ZYG11A: variants seen among roughly 807,000 people sequenced by gnomAD.
ZYG11A encodes the protein zyg-11 family member A, cell cycle regulator.
ZYG11A carries 62 observed loss-of-function variants against 77.2 expected under a neutral mutation model. The observed-to-expected ratio is 0.80, with a 90% CI of 0.65 to 0.99. The LOEUF is 0.99. ZYG11A is among the 50% of genes least tolerant of loss of function. The pLI is 0.00. For missense variants in ZYG11A, 828 were observed against 896.8 expected, an observed-to-expected ratio of 0.92 and a Z score of 0.98; for synonymous variants, 315 against 324.6, an observed-to-expected ratio of 0.97 and a Z score of 0.32.
intron 13 of ZYG11A, among the ~76,000 whole-genome samples, chr1:52,889,713 ATTT>A (rs34588418): frequency 6.8e-5 from 9 of 132,678 alleles, no homozygotes; most frequent in Non-Finnish European, 8.1e-5. Flanking sequence ...GCTAAATACC[ATTT>A]TTTTTTTTTT....
chr1:52,881,644 G>C lies in ZYG11A; in HGVS notation c.1923G>C (p.Arg641Ser). Residue 641 changes from arginine to serine, a missense_variant, in exon 11 of 14, where the codon AGG becomes AGC. Transcript: ENST00000371528. ...TTTGGATATCCCGTGACTTCCAGAG[G>C]CGTACTCTTCTCCAAGATCTGGTAC... Reference protein sequence around the residue: ...RQLWISRDFQRRTLLQDLHAT... With the variant: ...RQLWISRDFQSRTLLQDLHAT... The C allele has an allele frequency of 1.9e-6, 3 of 1,551,684 alleles. No homozygotes were observed. Among genetic ancestry groups the C allele is most frequent in the Non-Finnish European group, 2.6e-6 (3 of 1,146,860 alleles).
chr1:52,854,434 A>G, intron 1 of ZYG11A, 31 bp from the exon 2 acceptor site: 2 of 1,516,676 alleles, frequency 1.3e-6, no homozygotes, highest in Non-Finnish European at 1.8e-6. Context: ...GATGTATTCT[A>G]ACAAAGTTTG....
chr1:52,882,351 A>G (rs1646378055), intron 11 of ZYG11A, among the ~76,000 whole-genome samples: 1 of 152,208 alleles, frequency 6.6e-6, no homozygotes, highest in African/African-American at 2.4e-5. Flanking sequence ...ATAAATCTTC[A>G]TACATATTCT....
At chr1:52,892,176 G>A (rs1646555630) in intron 13 of ZYG11A, among the ~76,000 whole-genome samples, 1 of 129,318 alleles carries the variant, frequency 7.7e-6, no homozygotes, top group African/African-American at 3.0e-5. Context: ...TGGGATTACA[G>A]GCGTGAGCCA....
chr1:52,857,599 T>G lies in ZYG11A; in HGVS notation c.858T>G (p.Asn286Lys), dbSNP rs1464360064. Residue 286 changes from asparagine (N) to lysine (K), a missense_variant, in exon 3 of 14, where the codon AAT (asparagine) becomes AAG (lysine). Transcript: ENST00000371528. ...HLLQQKDILP[N>K]VVSLDISGGN... ...TACAGCAGAAGGATATCCTGCCCAA[T>G]GTTGTGTCATTGGATATTTCTGGGG... 6.4e-7 allele frequency: 1 copy of G among 1,551,876 alleles called. No homozygotes were observed. Among genetic ancestry groups the G allele is most frequent in the Non-Finnish European group, 8.7e-7 (1 of 1,147,054 alleles).
intron 11 of ZYG11A, among the ~76,000 whole-genome samples, chr1:52,885,184 C>T (rs900813176): frequency 2.0e-5 from 3 of 152,074 alleles, no homozygotes; most frequent in Admixed American, 1.3e-4. Flanking sequence ...GCTGAGATTA[C>T]AGGCATGAGC....
chr1:52,867,832 T>G, intron 8 of ZYG11A, 55 bp downstream of exon 8: 1 of 1,421,578 alleles, frequency 7.0e-7, no homozygotes, highest in Non-Finnish European at 9.6e-7. Context: ...AATTTATGAT[T>G]ATAGCTTAAA....
At chr1:52,851,313 G>T (rs1645706246) in intron 1 of ZYG11A, among the ~76,000 whole-genome samples, 1 of 152,100 alleles carries the variant, frequency 6.6e-6, no homozygotes. Context: ...TTGATGCTGG[G>T]ATTACAGGTG....
intron 12 of ZYG11A, 36 bp downstream of exon 12, chr1:52,885,930 TTTC>T (rs1172482850): frequency 1.4e-6 from 2 of 1,457,546 alleles, no homozygotes. Flanking sequence ...TTCTTTTTTT[TTTC>T]TTCTTTTTTT....
chr1:52,879,715 C>A (rs1001293137), intron 10 of ZYG11A, among the ~76,000 whole-genome samples: 9 of 151,878 alleles, frequency 5.9e-5, no homozygotes, highest in Non-Finnish European at 8.8e-5. Context: ...TCTACATATC[C>A]TACCAGCTGA....
chr1:52,866,323 T>C (rs191552221), intron 5 of ZYG11A, among the ~76,000 whole-genome samples, 180 bp from the exon 6 acceptor site: 12 of 152,272 alleles, frequency 7.9e-5, no homozygotes, highest in African/African-American at 1.7e-4. Flanking sequence ...AAAATCCTAC[T>C]CAAGTCTTCA....
rs1256950038 is a variant in ZYG11A, at chr1:52,857,198, T to C, written c.457T>C (p.Trp153Arg). The change falls in exon 3 of 14, where the codon TGG becomes CGG. Residue 153 changes from tryptophan to arginine, a missense_variant. Trp to Arg is a moderately radical substitution (Grantham distance 101). Coordinates refer to ENST00000371528, the MANE Select transcript of ZYG11A (RefSeq NM_001004339.3). ...CATAAGTGGACTCTGCAGCAATAGG[T>C]GGATCCAGCAAAACCTCCAGTGTCT... Reference protein sequence around the residue: ...DIISGLCSNRWIQQNLQCLLL... With the variant: ...DIISGLCSNRRIQQNLQCLLL... 2 of 1,552,188 alleles carry C rather than the reference T, an allele frequency of 1.3e-6. No homozygotes were observed. Among genetic ancestry groups the C allele is most frequent in the Non-Finnish European group, 1.7e-6 (2 of 1,147,118 alleles).
chr1:52,885,362 C>T (rs1430532678), intron 11 of ZYG11A, among the ~76,000 whole-genome samples: 3 of 150,084 alleles, frequency 2.0e-5, no homozygotes, highest in South Asian at 2.1e-4. Flanking sequence ...TTGAGATGCC[C>T]GGCTAATTTT....
intron 10 of ZYG11A, 69 bp downstream of exon 10, chr1:52,878,038 C>G: frequency 7.6e-7 from 1 of 1,310,162 alleles, no homozygotes; most frequent in Non-Finnish European, 1.1e-6. Flanking sequence ...ATAGTACCTA[C>G]TATATGCTAG....
At chr1:52,887,699 T>G (rs1281155146) in intron 13 of ZYG11A, among the ~76,000 whole-genome samples, 2 of 151,588 alleles carry the variant, frequency 1.3e-5, no homozygotes, top group Non-Finnish European at 2.9e-5. Context: ...CAGGGCAACA[T>G]AGCAAGACCC....
chr1:52,882,896 TGA>T (rs1404883320), intron 11 of ZYG11A, among the ~76,000 whole-genome samples: 2 of 151,974 alleles, frequency 1.3e-5, no homozygotes, highest in Non-Finnish European at 2.9e-5. Flanking sequence ...TATATTTTGT[TGA>T]GTACTTATCA....
At chr1:52,876,470 CTG>C (rs1443185632) in intron 8 of ZYG11A, among the ~76,000 whole-genome samples, 2 of 152,180 alleles carry the variant, frequency 1.3e-5, no homozygotes, top group African/African-American at 4.8e-5. Flanking sequence ...TAAGTCTCCT[CTG>C]TGTCTTAGAT....
intron 8 of ZYG11A, among the ~76,000 whole-genome samples, chr1:52,872,171 G>A (rs1646179498): frequency 6.6e-6 from 1 of 151,968 alleles, no homozygotes; most frequent in Non-Finnish European, 1.5e-5. Flanking sequence ...GCTCAATCTC[G>A]GCTCACTGCA....
chr1:52,843,400 G>A (rs537049197), intron 1 of ZYG11A, among the ~76,000 whole-genome samples: 1 of 152,078 alleles, frequency 6.6e-6, no homozygotes, highest in African/African-American at 2.4e-5. Flanking sequence ...AACCTTGACC[G>A]TTTCCCCACC....
Sources: allele counts gnomAD v4.1 joint callset (sites outside exome capture counted in the v4.1 genomes callset), GRCh38; gene constraint gnomAD v4.1.1; transcripts MANE v1.5; gene names NCBI Gene and HGNC (gene_info 2026-07-23, HGNC 2026-07-21).